The following TP73 variants were observed in gnomAD, a reference collection of about 807,000 sequenced individuals.
TP73 encodes p53-like transcription factor.
Under a neutral mutation model 62.5 loss-of-function variants are expected in TP73, and 25 were observed. The observed-to-expected ratio is 0.40, with a 90% CI of 0.29 to 0.56. The LOEUF is 0.56. Ranked by LOEUF, TP73 falls within the 20% of genes least tolerant of loss-of-function variation. TP73 has a pLI of 0.46. For missense variants in TP73, 754 were observed against 913.3 expected, an observed-to-expected ratio of 0.83 and a Z score of 2.25; for synonymous variants, 423 against 377.5, an observed-to-expected ratio of 1.12 and a Z score of -1.40.
intron 6 of TP73, among the ~76,000 whole-genome samples, chr1:3,724,934 G>T (rs907594817): frequency 5.3e-5 from 8 of 152,078 alleles, no homozygotes; most frequent in Non-Finnish European, 8.8e-5. Context: ...CAAGAGAATC[G>T]CTTGAACCCG....
intron 1 of TP73, among the ~76,000 whole-genome samples, chr1:3,674,988 C>T (rs1044486688): frequency 5.3e-5 from 8 of 152,120 alleles, no homozygotes; most frequent in Non-Finnish European, 5.9e-5. Flanking sequence ...GGGATTGAGA[C>T]GGTCTCCTCC....
intron 1 of TP73, among the ~76,000 whole-genome samples, chr1:3,658,608 C>T (rs972039055): frequency 6.6e-6 from 1 of 152,182 alleles, no homozygotes; most frequent in African/African-American, 2.4e-5. Flanking sequence ...GGCACACAGA[C>T]CATTACTAAT....
At chr1:3,665,299 C>G (rs74045907) in intron 1 of TP73, among the ~76,000 whole-genome samples, 2,303 of 152,214 alleles carry the variant, frequency 0.015, 52 homozygotes, top group African/African-American at 0.052. Flanking sequence ...AAAGTCCCCC[C>G]CAAGCTTTTA....
chr1:3,667,336 T>C (rs1200406307), intron 1 of TP73, among the ~76,000 whole-genome samples: 1 of 152,198 alleles, frequency 6.6e-6, no homozygotes, highest in East Asian at 1.9e-4. Flanking sequence ...TACAGAACTG[T>C]AAGAGAGTAA....
intron 6 of TP73, among the ~76,000 whole-genome samples, chr1:3,726,196 A>C (rs1641564456): frequency 1.1e-5 from 1 of 92,450 alleles, no homozygotes; most frequent in South Asian, 4.3e-4. Context: ...GGGGGAGTGG[A>C]TGGATGGATG....
chr1:3,693,089 G>GCAGGGCCCAGAGCCAGCGCCCAGAGC (rs201851670), intron 3 of TP73, among the ~76,000 whole-genome samples: 1 of 151,892 alleles, frequency 6.6e-6, no homozygotes, highest in African/African-American at 2.4e-5. Context: ...GCAGGTGGAG[G>GCAGGGCCCAGAGCCAGCGCCCAGAGC]CAGTGCCCAG....
intron 1 of TP73, chr1:3,659,249 G>C (rs369980977): frequency 6.6e-6 from 1 of 152,190 alleles, no homozygotes; most frequent in African/African-American, 2.4e-5. Context: ...TGGCGGGGCA[G>C]GTTTGTAGAT....
chr1:3,704,498 C>T (rs1467054001), intron 3 of TP73, among the ~76,000 whole-genome samples: 7 of 152,206 alleles, frequency 4.6e-5, no homozygotes, highest in African/African-American at 7.2e-5. Flanking sequence ...CCTGCCCTTC[C>T]GGAGAATGGC....
chr1:3,713,777 A>T (rs1314988725), intron 4 of TP73, among the ~76,000 whole-genome samples: 2 of 152,146 alleles, frequency 1.3e-5, no homozygotes, highest in Non-Finnish European at 2.9e-5. Flanking sequence ...TCTGCACTCC[A>T]GGCGGACAGC....
intron 3 of TP73, among the ~76,000 whole-genome samples, chr1:3,687,748 C>T (rs1021789452): frequency 6.6e-6 from 1 of 152,178 alleles, no homozygotes; most frequent in African/African-American, 2.4e-5. Context: ...GCTGGCCCCT[C>T]CCCTGTGCCC....
rs1644956173 is a variant in TP73, at chr1:3,659,984, C to T, written c.-34+7343C>T. Among the ~76,000 whole-genome samples the T allele has an allele frequency of 1.3e-5, 2 of 152,198 alleles. 1 individual carries two copies. Among genetic ancestry groups the T allele is most frequent in the South Asian group, 4.1e-4 (2 of 4,828 alleles). The stretch of plus-strand genomic sequence containing the variant: ...CGTGAGCCACTGTGCCCAGCCTAGT[C>T]AGATTAACTTGTTTGTAAAGTAAGT... On this transcript the variant is annotated intron_variant, in intron 1 of 13. Coordinates refer to ENST00000378295, the MANE Select transcript of TP73 (RefSeq NM_005427.4).
At chr1:3,711,181 G>T (rs1166620093) in intron 4 of TP73, among the ~76,000 whole-genome samples, 1 of 152,216 alleles carries the variant, frequency 6.6e-6, no homozygotes, top group Admixed American at 6.5e-5. Context: ...GCTGGCTCTT[G>T]GGACTTCTTA....
intron 1 of TP73, among the ~76,000 whole-genome samples, chr1:3,661,724 A>G (rs776328360): frequency 1.7e-3 from 11 of 6,380 alleles, no homozygotes; most frequent in Non-Finnish European, 3.2e-3. Context: ...TATTTTGTGT[A>G]TATATATATA....
At chr1:3,728,384 C>T (rs899210768) in intron 9 of TP73, among the ~76,000 whole-genome samples, 167 bp downstream of exon 9, 3 of 152,212 alleles carry the variant, frequency 2.0e-5, no homozygotes, top group African/African-American at 7.2e-5. Context: ...TTGCAAGAGC[C>T]AGACCAGCAG....
Position 3,704,900 on chromosome 1 carries a change from A to G in TP73, c.187-2649A>G, listed in dbSNP as rs1282258510. Among the ~76,000 whole-genome samples, 4 of 152,262 alleles carry G rather than the reference A, an allele frequency of 2.6e-5. No individual in the cohort carries two copies. The East Asian group carries it at 7.7e-4, about 29-fold the overall frequency. ...GCAGCTCGCCGGTGCCCAGGGTGACACCCAACCAGACACCAGGAGGAGCAG... is the reference window on the plus strand; with the variant it reads ...GCAGCTCGCCGGTGCCCAGGGTGACGCCCAACCAGACACCAGGAGGAGCAG... On this transcript the variant is annotated intron_variant, in intron 3 of 13. Coordinates refer to ENST00000378295, the MANE Select transcript of TP73 (RefSeq NM_005427.4).
intron 4 of TP73, among the ~76,000 whole-genome samples, chr1:3,719,096 A>G (rs552491396): frequency 6.6e-6 from 1 of 152,196 alleles, no homozygotes; most frequent in Non-Finnish European, 1.5e-5. Flanking sequence ...GCCGCCCCTG[A>G]GACTCTGACC....
In TP73 at chr1:3,707,607, C is replaced by A. The variant is rs761491632; in HGVS notation, c.245C>A (p.Ala82Asp). ...CAGATGAGCAGCCGCGCGGCCTCGG[C>A]CAGCCCCTACACCCCAGAGCACGCC... is the stretch of plus-strand genomic sequence containing the variant. Reference protein sequence around the residue: ...MDQMSSRAASASPYTPEHAAS... With the variant: ...MDQMSSRAASDSPYTPEHAAS... Residue 82 changes from alanine to aspartate, a missense_variant, in exon 4 of 14, where the codon GCC (alanine) becomes GAC (aspartate). Ala to Asp is a moderately radical substitution (Grantham distance 126). Around this residue, in one of 3 missense-constraint regions of TP73, gnomAD observed 235 missense variants for 251.4 expected, o/e 0.93. Coordinates refer to ENST00000378295, the MANE Select transcript of TP73 (RefSeq NM_005427.4). 1.2e-5 allele frequency: 19 copies of A among 1,612,610 alleles called. No homozygotes were observed. In the South Asian group the frequency reaches 2.0e-4, roughly 17 times the overall value.
At chr1:3,691,002 G>T in intron 3 of TP73, 2 of 1,552,378 alleles carry the variant, frequency 1.3e-6, no homozygotes, top group Non-Finnish European at 8.7e-7. Context: ...GGATTTTGCT[G>T]CAGTGTAGGG....
In TP73 at chr1:3,701,849, C is replaced by T. The variant is rs969116881; in HGVS notation, c.187-5700C>T. Among the ~76,000 whole-genome samples the T allele has an allele frequency of 4.6e-5, 7 of 152,172 alleles. No homozygotes were observed. The highest frequency in any genetic ancestry group is 1.9e-4 in the East Asian group (1 of 5,182). On this transcript the variant is annotated intron_variant, in intron 3 of 13. Transcript: ENST00000378295. This position sits in a 1 kb window ranked among gnomAD's most constrained non-coding sequence, Gnocchi z 4.7. ...CATCCCCACTCTGCAGATGAGAAAA[C>T]GAAGACCTAGGGAGGTGGAGCGATG...
Sources: allele counts gnomAD v4.1 joint callset (sites outside exome capture counted in the v4.1 genomes callset), GRCh38; gene constraint gnomAD v4.1.1; regional missense constraint gnomAD v4.1.1; non-coding constraint Gnocchi (gnomAD v3.1); transcripts MANE v1.5; gene names NCBI Gene and HGNC (gene_info 2026-07-23, HGNC 2026-07-21).